DSG2: variants seen among roughly 807,000 people sequenced by gnomAD.
DSG2 encodes desmoglein 2, also known as desmoglein-2.
DSG2 carries 45 observed loss-of-function variants against 75.6 expected under a neutral mutation model. The ratio of observed to expected loss-of-function variants is 0.60; its 90% CI spans 0.47 to 0.76. The LOEUF (loss-of-function observed/expected upper bound fraction) is 0.76. DSG2 is among the 30% of genes least tolerant of loss of function. The pLI is 0.00. For missense variants in DSG2, 1,267 were observed against 1,357.4 expected, an observed-to-expected ratio of 0.93 and a Z score of 1.05; for synonymous variants, 429 against 483.9, an observed-to-expected ratio of 0.89 and a Z score of 1.49.
chr18:31,501,023 T>C (rs769188457), intron 1 of DSG2, among the ~76,000 whole-genome samples: 10 of 152,226 alleles, frequency 6.6e-5, no homozygotes, highest in Non-Finnish European at 1.0e-4. Context: ...TTACATCTTA[T>C]GGTGATCTCA....
rs919823373 is a variant in DSG2, at chr18:31,546,018, T to C, written c.2632T>C (p.Ser878Pro). The C allele has an allele frequency of 6.2e-7, 1 of 1,614,158 alleles. No homozygotes were observed. The highest frequency in any genetic ancestry group is 1.7e-5 in the Admixed American group (1 of 60,022). ...HSLCEQTMVN[S>P]ENTYSSGSSF... is the part of the protein sequence containing the mutation. ...ACTCTGTGAGCAAACTATGGTTAAT[T>C]CAGAGAATACCTACTCCTCTGGCAG... is the stretch of plus-strand genomic sequence containing the variant. The change falls in exon 15 of 15, where the codon TCA becomes CCA. Residue 878 changes from serine to proline, a missense_variant. By Grantham distance (74) the Ser-to-Pro change is moderately conservative. Coordinates refer to ENST00000261590, the MANE Select transcript of DSG2 (RefSeq NM_001943.5).
chr18:31,524,827 G>A lies in DSG2; in HGVS notation c.953G>A (p.Gly318Glu). 1 of 1,614,158 alleles carries A rather than the reference G, an allele frequency of 6.2e-7. No homozygotes were observed. Among genetic ancestry groups the A allele is most frequent in the Non-Finnish European group, 8.5e-7 (1 of 1,180,008 alleles). The stretch of plus-strand genomic sequence containing the variant: ...TTTACATTTGCATCAGGAAATGAAG[G>A]AGGTTATTTCCACATAGAAACAGAT... ...ANFTFASGNE[G>E]GYFHIETDAQ... Residue 318 changes from glycine (G) to glutamate (E), a missense_variant, in exon 8 of 15, where the codon GGA becomes GAA. Physicochemically the swap from Gly to Glu is moderately conservative, Grantham distance 98. Coordinates refer to ENST00000261590, the MANE Select transcript of DSG2 (RefSeq NM_001943.5).
At chr18:31,526,618 G>A (rs890168025) in intron 8 of DSG2, among the ~76,000 whole-genome samples, 1 of 152,170 alleles carries the variant, frequency 6.6e-6, no homozygotes, top group African/African-American at 2.4e-5. Context: ...GACCACGCCA[G>A]ATACCTGAGA....
At chr18:31,545,505 C>G (rs1417646226) in intron 14 of DSG2, among the ~76,000 whole-genome samples, 1 of 152,016 alleles carries the variant, frequency 6.6e-6, no homozygotes. Flanking sequence ...ACAGTCCCCT[C>G]TGCCTTTCTA....
rs587782938 is a variant in DSG2 at position 31,521,190 on chromosome 18, C to T, written c.470C>T (p.Pro157Leu). ...IKVLDINDNE[P>L]VFTQDVFVGS... is the part of the protein sequence containing the mutation. ...GTTCTTGATATCAATGACAACGAAC[C>T]AGTGTTCACACAGGATGTCTTTGTT... The change falls in exon 5 of 15, where the codon CCA (proline) becomes CTA (leucine). Residue 157 changes from proline (P) to leucine (L), a missense_variant. By Grantham distance (98) the Pro-to-Leu change is moderately conservative. Coordinates refer to ENST00000261590, the MANE Select transcript of DSG2 (RefSeq NM_001943.5). 1.3e-5 allele frequency: 21 copies of T among 1,613,106 alleles called. No homozygotes were observed. The highest frequency in any genetic ancestry group is 6.6e-5 in the South Asian group (6 of 91,044).
chr18:31,529,385 A>T (rs2073181134), intron 8 of DSG2, among the ~76,000 whole-genome samples: 1 of 152,118 alleles, frequency 6.6e-6, no homozygotes, highest in Non-Finnish European at 1.5e-5. Context: ...TGGCTGGAAG[A>T]TTTTATTTCT....
rs955882030 is a variant in DSG2 at position 31,498,230 on chromosome 18, G to A, written c.-22G>A. 51 of 1,251,540 alleles carry A rather than the reference G, an allele frequency of 4.1e-5. No homozygotes were observed. The highest frequency in any genetic ancestry group is 4.7e-5 in the Non-Finnish European group (47 of 995,234). The allele number at this position is 1,251,540 out of a possible 1,614,324, so 77.5% of individuals were successfully genotyped here. On this transcript the variant is annotated 5_prime_UTR_variant, in exon 1 of 15. Transcript: ENST00000261590. ...CGGCGGCGCGGAGCGGTGCGGCGGC[G>A]GGAGGCGGAGGCGAGGGTGCGATGG...
intron 8 of DSG2, among the ~76,000 whole-genome samples, chr18:31,529,291 A>G (rs758227813): frequency 3.9e-5 from 6 of 152,308 alleles, no homozygotes; most frequent in Admixed American, 6.5e-5. Context: ...GACTAACACT[A>G]TGAAACACTT....
intron 6 of DSG2, among the ~76,000 whole-genome samples, chr18:31,524,188 C>T (rs2073146697): frequency 6.6e-6 from 1 of 152,188 alleles, no homozygotes; most frequent in Non-Finnish European, 1.5e-5. Context: ...AATAGTGGCT[C>T]CTTTGTGCAG....
At chr18:31,512,881 A>G (rs7227654) in intron 1 of DSG2, among the ~76,000 whole-genome samples, 3,241 of 152,330 alleles carry the variant, frequency 0.021, 120 homozygotes, top group African/African-American at 0.074. Flanking sequence ...CCAACAGGGT[A>G]AGAATATTGT....
intron 6 of DSG2, among the ~76,000 whole-genome samples, chr18:31,523,684 A>AT (rs761319146): frequency 1.3e-5 from 2 of 152,208 alleles, no homozygotes; most frequent in Non-Finnish European, 2.9e-5. Context: ...CTTTTTATGG[A>AT]TTAACCTATT....
intron 9 of DSG2, among the ~76,000 whole-genome samples, chr18:31,531,463 G>A (rs2073198450): frequency 6.6e-6 from 1 of 152,224 alleles, no homozygotes; most frequent in Non-Finnish European, 1.5e-5. Context: ...CCACCTGTGT[G>A]TGAGGAGGAA....
intron 3 of DSG2, 105 bp downstream of exon 3, chr18:31,520,042 A>T: frequency 1.4e-6 from 2 of 1,429,796 alleles, no homozygotes; most frequent in Non-Finnish European, 1.9e-6. Context: ...TGATGTGCTT[A>T]CAGAATTTTT....
In DSG2 at chr18:31,500,556, G is replaced by C. The variant is rs2144281819; in HGVS notation, c.45+2260G>C. 2.0e-5 allele frequency among the ~76,000 whole-genome samples: 3 copies of C among 152,246 alleles called. No homozygotes were observed. In the South Asian group the frequency reaches 6.2e-4, roughly 32 times the overall value. On this transcript the variant is annotated intron_variant, in intron 1 of 14. Transcript: ENST00000261590. Reference sequence around the variant, plus strand: ...CCATACGTCCATATCTGCTTGCCAGGAGGCACAGAGCTCTGTTTCACTTCC... The same window carrying C: ...CCATACGTCCATATCTGCTTGCCAGCAGGCACAGAGCTCTGTTTCACTTCC...
chr18:31,516,068 T>C (rs1245941997), intron 1 of DSG2, among the ~76,000 whole-genome samples: 2 of 151,988 alleles, frequency 1.3e-5, no homozygotes, highest in African/African-American at 4.8e-5. Context: ...TAGACAATAA[T>C]TTCAATTTGG....
At position 31,548,793 on chromosome 18, in the gene DSG2, G is replaced by A. The variant is rs2073333030; in HGVS notation, c.*2050G>A. On this transcript the variant is annotated 3_prime_UTR_variant, in exon 15 of 15. Transcript: ENST00000261590. Reference sequence around the variant, plus strand: ...TTAGTTTTACATTTGTTTTTTGGAAGATTATATTTGTATATGTATCATCAT... The same window carrying A: ...TTAGTTTTACATTTGTTTTTTGGAAAATTATATTTGTATATGTATCATCAT... 1 of 152,056 alleles carries A rather than the reference G, an allele frequency of 6.6e-6. No individual in the cohort carries two copies. Among genetic ancestry groups the A allele is most frequent in the African/African-American group, 2.4e-5 (1 of 41,406 alleles). The allele number at this position is 152,056 out of a possible 1,614,324, so 9.4% of individuals were successfully genotyped here. A position where few individuals can be genotyped will look rare whatever the true frequency, so the allele number is the denominator to read the frequency against.
intron 9 of DSG2, among the ~76,000 whole-genome samples, chr18:31,534,691 G>T (rs113198920): frequency 2.6e-5 from 4 of 151,940 alleles, no homozygotes; most frequent in South Asian, 2.1e-4. Flanking sequence ...TGTGTTTTTA[G>T]TAGAGACGGG....
At chr18:31,498,368 A>T (rs947396904) in intron 1 of DSG2, 72 bp downstream of exon 1, 499 of 1,237,792 alleles carry the variant, frequency 4.0e-4, no homozygotes, top group Non-Finnish European at 4.7e-4. Flanking sequence ...AGACCTCGCG[A>T]CCAGACTTGC....
At position 31,546,462 on chromosome 18, in the gene DSG2, A is replaced by G. The variant is rs2073311431; in HGVS notation, c.3076A>G (p.Ser1026Gly). The change falls in exon 15 of 15, where the codon AGC (serine) becomes GGC (glycine). Residue 1026 changes from serine (S) to glycine (G), a missense_variant. Transcript: ENST00000261590. ...VRERESFLAP[S>G]SGVQPTLAMP... The stretch of plus-strand genomic sequence containing the variant: ...GGAAAGAGAGAGCTTCCTTGCCCCC[A>G]GCTCAGGTGTGCAGCCTACTCTGGC... 2 of 1,614,208 alleles carry G rather than the reference A, an allele frequency of 1.2e-6. No individual in the cohort carries two copies. The highest frequency in any genetic ancestry group is 1.7e-6 in the Non-Finnish European group (2 of 1,180,016).
Sources: allele counts gnomAD v4.1 joint callset (sites outside exome capture counted in the v4.1 genomes callset), GRCh38; gene constraint gnomAD v4.1.1; transcripts MANE v1.5; gene names NCBI Gene and HGNC (gene_info 2026-07-23, HGNC 2026-07-21).